The following RGS6 variants were observed in gnomAD, a reference collection of about 807,000 sequenced individuals.
RGS6 encodes regulator of G-protein signaling 6.
Under a neutral mutation model 78.5 loss-of-function variants are expected in RGS6, and 30 were observed. That is an observed-to-expected ratio of 0.38 (90% CI 0.29 to 0.52). The LOEUF is 0.52. RGS6 is among the 20% of genes least tolerant of loss of function. The pLI is 0.85. For missense variants in RGS6, 495 were observed against 609.7 expected, an observed-to-expected ratio of 0.81 and a Z score of 1.98; for synonymous variants, 206 against 206.0, an observed-to-expected ratio of 1.00 and a Z score of 0.00.
intron 17 of RGS6, among the ~76,000 whole-genome samples, chr14:72,560,058 G>T (rs2097649448): frequency 6.6e-6 from 1 of 152,122 alleles, no homozygotes. Flanking sequence ...TTGTCTCTGG[G>T]CTTTGAATGT....
At chr14:72,284,641 G>A (rs537092038) in intron 2 of RGS6, among the ~76,000 whole-genome samples, 65 of 152,234 alleles carry the variant, frequency 4.3e-4, no homozygotes, top group Non-Finnish European at 7.1e-4. Context: ...CAGTGCAGAA[G>A]GAAAATGTGG....
chr14:72,364,450 C>A (rs1234079924), intron 3 of RGS6, among the ~76,000 whole-genome samples: 1 of 152,200 alleles, frequency 6.6e-6, no homozygotes, highest in African/African-American at 2.4e-5. Context: ...GCCTTTCCAC[C>A]AGCTCAGCAG....
At chr14:72,398,603 G>A (rs1555374121) in intron 3 of RGS6, among the ~76,000 whole-genome samples, 1 of 152,074 alleles carries the variant, frequency 6.6e-6, no homozygotes, top group Non-Finnish European at 1.5e-5. Context: ...GCTTTTGAAT[G>A]TGTTTGCTCT....
At chr14:72,582,907 G>A in the RGS6 span, among the ~76,000 whole-genome samples, 2 of 150,624 alleles carry the variant, frequency 1.3e-5, no homozygotes, top group African/African-American at 4.9e-5. Context: ...TGTGGGGGTG[G>A]TTCCTAAAGA....
At chr14:72,089,507 C>A (rs949689531) in intron 2 of RGS6, among the ~76,000 whole-genome samples, 1 of 152,170 alleles carries the variant, frequency 6.6e-6, no homozygotes, top group African/African-American at 2.4e-5. Context: ...TACAATGTAT[C>A]TTTCCTGTTA....
chr14:72,480,459 A>G (rs1202436186), intron 12 of RGS6, among the ~76,000 whole-genome samples: 2 of 152,178 alleles, frequency 1.3e-5, no homozygotes, highest in Admixed American at 6.5e-5. Flanking sequence ...GATTATTCCA[A>G]CTGGCTACTC....
chr14:71,986,987 A>G (rs1406477453), intron 2 of RGS6, among the ~76,000 whole-genome samples: 1 of 152,060 alleles, frequency 6.6e-6, no homozygotes, highest in Non-Finnish European at 1.5e-5. Flanking sequence ...CCACACACAT[A>G]ATCCAGGGGT....
intron 17 of RGS6, among the ~76,000 whole-genome samples, chr14:72,559,467 G>A (rs904094247): frequency 2.6e-5 from 4 of 152,214 alleles, no homozygotes; most frequent in Admixed American, 6.5e-5. Flanking sequence ...CCTCACTCAC[G>A]CGGGAGGTCA....
chr14:71,930,354 C>T (rs900595965), upstream of RGS6, among the ~76,000 whole-genome samples: 15 of 152,104 alleles, frequency 9.9e-5, no homozygotes, highest in African/African-American at 3.4e-4. Context: ...AAACCAATCT[C>T]TTGGCCATGT....
intron 15 of RGS6, among the ~76,000 whole-genome samples, chr14:72,532,979 G>T (rs1272065427): frequency 6.6e-6 from 1 of 152,214 alleles, no homozygotes; most frequent in Non-Finnish European, 1.5e-5. Flanking sequence ...GATGAAGGTG[G>T]CTACAGTAAA....
At chr14:71,976,344 C>G (rs1222183862) in intron 2 of RGS6, among the ~76,000 whole-genome samples, 1 of 150,834 alleles carries the variant, frequency 6.6e-6, no homozygotes, top group Non-Finnish European at 1.5e-5. Flanking sequence ...ATGTGCCATG[C>G]TGGTGCGCTG....
chr14:72,559,927 T>G, intron 17 of RGS6, among the ~76,000 whole-genome samples: 1 of 151,832 alleles, frequency 6.6e-6, no homozygotes, highest in East Asian at 1.9e-4. Context: ...AGACACATAA[T>G]CCTCCAGAAA....
At chr14:72,006,568 G>A (rs1480299878) in intron 2 of RGS6, among the ~76,000 whole-genome samples, 1 of 152,226 alleles carries the variant, frequency 6.6e-6, no homozygotes, top group African/African-American at 2.4e-5. Flanking sequence ...ATGTGAGTGA[G>A]CTTTGAAGCA....
chr14:72,541,103 CCAGGGAGCAGGGTCCCATG>C, intron 17 of RGS6: 4 of 1,359,972 alleles, frequency 2.9e-6, no homozygotes, highest in Non-Finnish European at 3.9e-6. Flanking sequence ...CCAGAGGGAA[CCAGGGAGCAGGGTCCCATG>C]CAGGGAGCTG....
chr14:72,610,330 C>A, the RGS6 span, among the ~76,000 whole-genome samples: 1 of 152,206 alleles, frequency 6.6e-6, no homozygotes, highest in Non-Finnish European at 1.5e-5. Context: ...AGCTCATTCC[C>A]AGGGACCTGG....
the RGS6 span, among the ~76,000 whole-genome samples, chr14:72,574,163 T>C: frequency 6.6e-6 from 1 of 152,320 alleles, no homozygotes; most frequent in Middle Eastern, 3.4e-3. Context: ...CACTTCTCAC[T>C]CCTAAGCCTT....
rs190474375 is a variant in RGS6 at position 72,423,040 on chromosome 14, A to G, written c.185-31488A>G. 7.2e-5 allele frequency among the ~76,000 whole-genome samples: 11 copies of G among 152,322 alleles called. No individual in the cohort carries two copies. In the East Asian group the frequency reaches 1.9e-3, roughly 27 times the overall value. ...CCACAAAGGAAGAAAAAGACTATCA[A>G]GAGTAGAAGGGCCTGACAGGTGGCC... is the stretch of plus-strand genomic sequence containing the variant. On this transcript the variant is annotated intron_variant, in intron 3 of 17. Coordinates refer to ENST00000553525, the MANE Select transcript of RGS6 (RefSeq NM_001204424.2).
chr14:72,401,816 A>G (rs2092434704), intron 3 of RGS6, among the ~76,000 whole-genome samples: 1 of 152,206 alleles, frequency 6.6e-6, no homozygotes, highest in Non-Finnish European at 1.5e-5. Context: ...CTTGCCAAAC[A>G]TCCTGAGGTC....
At chr14:71,962,437 C>A (rs575769409) in intron 1 of RGS6, among the ~76,000 whole-genome samples, 2 of 152,188 alleles carry the variant, frequency 1.3e-5, no homozygotes, top group Non-Finnish European at 2.9e-5. Context: ...AAACTTAAAA[C>A]GTCTCTATTA....
Sources: allele counts gnomAD v4.1 joint callset (sites outside exome capture counted in the v4.1 genomes callset), GRCh38; gene constraint gnomAD v4.1.1; transcripts MANE v1.5; gene names NCBI Gene and HGNC (gene_info 2026-07-23, HGNC 2026-07-21).